KCNJ3: variants seen among roughly 807,000 people sequenced by gnomAD.
KCNJ3 encodes potassium inwardly rectifying channel subfamily J member 3, also known as G protein-activated inward rectifier potassium channel 1.
A neutral mutation model predicts 39.2 loss-of-function variants in KCNJ3; 4 were observed. That is an observed-to-expected ratio of 0.10 (90% CI 0.05 to 0.23). KCNJ3 has a LOEUF of 0.23. Ranked by LOEUF, KCNJ3 falls within the 10% of genes least tolerant of loss-of-function variation. The probability of loss-of-function intolerance (pLI) is 1.00; values close to 1 mark genes in which losing one functional copy is unlikely to be tolerated. For synonymous variants in KCNJ3, 230 were observed against 237.4 expected (o/e 0.97, Z 0.29); for missense variants, 276 against 634.9 (o/e 0.43, Z 6.08).
intron 2 of KCNJ3, among the ~76,000 whole-genome samples, chr2:154,831,879 T>G (rs1196045783): frequency 6.6e-6 from 1 of 152,150 alleles, no homozygotes; most frequent in Non-Finnish European, 1.5e-5. Context: ...ATAAGTTTAT[T>G]TGGCTCATGG....
At chr2:154,707,264 T>C (rs1453033889) in intron 1 of KCNJ3, among the ~76,000 whole-genome samples, 1 of 152,070 alleles carries the variant, frequency 6.6e-6, no homozygotes, top group African/African-American at 2.4e-5. Flanking sequence ...TAGGGTAATT[T>C]TGAGTACAGG....
chr2:154,789,447 T>C (rs1258288379), intron 2 of KCNJ3, among the ~76,000 whole-genome samples: 2 of 152,084 alleles, frequency 1.3e-5, no homozygotes, highest in Non-Finnish European at 2.9e-5. Context: ...TTACCTTCTT[T>C]AGAAAACATA....
chr2:154,839,261 G>A (rs759971983), intron 2 of KCNJ3, among the ~76,000 whole-genome samples: 1 of 152,124 alleles, frequency 6.6e-6, no homozygotes, highest in Non-Finnish European at 1.5e-5. Flanking sequence ...CCATGTCCCT[G>A]CAAAGGATAT....
intron 2 of KCNJ3, among the ~76,000 whole-genome samples, chr2:154,710,159 G>A (rs1181329550): frequency 6.6e-6 from 1 of 151,956 alleles, no homozygotes; most frequent in Non-Finnish European, 1.5e-5. Flanking sequence ...AAAAAAGTAG[G>A]GTAATTATTG....
intron 2 of KCNJ3, among the ~76,000 whole-genome samples, chr2:154,724,352 G>T (rs1346618064): frequency 6.6e-6 from 1 of 151,920 alleles, no homozygotes. Context: ...TTTTATCTAT[G>T]CTATTATTAG....
At chr2:154,834,520 A>C (rs1204255569) in intron 2 of KCNJ3, among the ~76,000 whole-genome samples, 1 of 152,040 alleles carries the variant, frequency 6.6e-6, no homozygotes, top group African/African-American at 2.4e-5. Flanking sequence ...TCACGCGGTA[A>C]GGATCGAGAC....
At chr2:154,711,249 G>C (rs1210277120) in intron 2 of KCNJ3, among the ~76,000 whole-genome samples, 1 of 151,962 alleles carries the variant, frequency 6.6e-6, no homozygotes, top group Non-Finnish European at 1.5e-5. Flanking sequence ...CGTAGTCCAA[G>C]AAATCTTTAC....
intron 2 of KCNJ3, among the ~76,000 whole-genome samples, chr2:154,854,393 T>C (rs778042806): frequency 2.6e-4 from 39 of 152,188 alleles, no homozygotes; most frequent in Non-Finnish European, 4.1e-4. Flanking sequence ...GAAAAATTGT[T>C]ACATAATTTT....
At chr2:154,732,659 C>T (rs1434428878) in intron 2 of KCNJ3, among the ~76,000 whole-genome samples, 1 of 151,978 alleles carries the variant, frequency 6.6e-6, no homozygotes, top group Non-Finnish European at 1.5e-5. Flanking sequence ...TAAAATATAC[C>T]TTTTGTTTAC....
At chr2:154,704,564 T>G (rs1486042660) in intron 1 of KCNJ3, among the ~76,000 whole-genome samples, 1 of 152,212 alleles carries the variant, frequency 6.6e-6, no homozygotes, top group Non-Finnish European at 1.5e-5. Flanking sequence ...ATTTTGGACT[T>G]GACATTGGGT....
intron 2 of KCNJ3, among the ~76,000 whole-genome samples, chr2:154,750,995 T>G (rs1685834795): frequency 6.6e-6 from 1 of 151,916 alleles, no homozygotes; most frequent in South Asian, 2.1e-4. Flanking sequence ...CTATATTGCT[T>G]TATAATAATA....
chr2:154,785,604 G>T (rs909800943), intron 2 of KCNJ3, among the ~76,000 whole-genome samples: 8 of 152,158 alleles, frequency 5.3e-5, no homozygotes, highest in Non-Finnish European at 1.2e-4. Flanking sequence ...ACCATGTGAT[G>T]CCTTTTGCTA....
chr2:154,808,163 C>T (rs937298890), intron 2 of KCNJ3, among the ~76,000 whole-genome samples: 2 of 151,542 alleles, frequency 1.3e-5, no homozygotes, highest in African/African-American at 4.9e-5. Context: ...TTATTTCAAC[C>T]TCTGCCTCCC....
chr2:154,823,607 A>G (rs1028453435), intron 2 of KCNJ3, among the ~76,000 whole-genome samples: 3 of 152,082 alleles, frequency 2.0e-5, no homozygotes, highest in Non-Finnish European at 4.4e-5. Context: ...GAATATATCA[A>G]TTCCTTGTTT....
intron 2 of KCNJ3, among the ~76,000 whole-genome samples, chr2:154,770,857 CAGTA>C (rs1233050422): frequency 6.6e-6 from 1 of 150,482 alleles, no homozygotes; most frequent in Non-Finnish European, 1.5e-5. Context: ...TTTTCATAGA[CAGTA>C]AGTCTCAAGA....
chr2:154,833,461 A>G (rs765171928), intron 2 of KCNJ3, among the ~76,000 whole-genome samples: 3 of 152,146 alleles, frequency 2.0e-5, no homozygotes, highest in Non-Finnish European at 4.4e-5. Context: ...CCCCAGCCCA[A>G]TCTCTACTCC....
At chr2:154,777,335 C>T (rs1014642075) in intron 2 of KCNJ3, among the ~76,000 whole-genome samples, 1 of 152,092 alleles carries the variant, frequency 6.6e-6, no homozygotes, top group Non-Finnish European at 1.5e-5. Context: ...CAAACTTAAG[C>T]AAATATTCTT....
chr2:154,780,028 C>G (rs895081147), intron 2 of KCNJ3, among the ~76,000 whole-genome samples: 1 of 152,078 alleles, frequency 6.6e-6, no homozygotes, highest in African/African-American at 2.4e-5. Flanking sequence ...TGTGATAACA[C>G]TCTAATAACA....
intron 2 of KCNJ3, among the ~76,000 whole-genome samples, chr2:154,841,484 T>C (rs1195809080): frequency 6.6e-6 from 1 of 152,220 alleles, no homozygotes; most frequent in African/African-American, 2.4e-5. Flanking sequence ...TTTCTGTTGA[T>C]TGGAATAGTT....
Sources: allele counts gnomAD v4.1 joint callset (sites outside exome capture counted in the v4.1 genomes callset), GRCh38; gene constraint gnomAD v4.1.1; transcripts MANE v1.5; gene names NCBI Gene and HGNC (gene_info 2026-07-23, HGNC 2026-07-21).